Variants in ACTR2 observed in about 807,000 individuals in gnomAD.
The protein encoded by ACTR2 is actin-related protein 2.
In ACTR2, 5 loss-of-function variants were observed where a neutral mutation model predicts 50.2. The ratio of observed to expected loss-of-function variants is 0.10; its 90% confidence interval spans 0.05 to 0.21. The LOEUF is 0.21. Ranked by LOEUF, ACTR2 falls within the 10% of genes least tolerant of loss-of-function variation. ACTR2 has a pLI of 1.00. For missense variants in ACTR2, 180 were observed against 480.6 expected (o/e 0.37, Z 5.85); for synonymous variants, 140 against 162.9 (o/e 0.86, Z 1.07).
At chr2:65,251,604 G>A (rs971606758) in intron 4 of ACTR2, among the ~76,000 whole-genome samples, 2 of 152,006 alleles carry the variant, frequency 1.3e-5, no homozygotes, top group East Asian at 1.9e-4. Context: ...CAGGTAGTCC[G>A]CCCGCCTCAG....
At chr2:65,252,580 G>A (rs1672074154) in intron 4 of ACTR2, among the ~76,000 whole-genome samples, 1 of 152,198 alleles carries the variant, frequency 6.6e-6, no homozygotes, top group Admixed American at 6.5e-5. Context: ...AGGAGGCAGA[G>A]GTTGCAGTGA....
chr2:65,261,752 C>A (rs1672273997), intron 7 of ACTR2, among the ~76,000 whole-genome samples: 1 of 152,188 alleles, frequency 6.6e-6, no homozygotes, highest in Non-Finnish European at 1.5e-5. Context: ...GAGATACACC[C>A]AGTAGTGGAA....
chr2:65,269,324 C>A lies in ACTR2; in HGVS notation c.*590C>A, dbSNP rs1672444796. ...GGTTTTGTTGCGGGGGGGAGGGTAA[C>A]AATGGGTGGTCTTCTGATTTTTATT... On this transcript the variant is annotated 3_prime_UTR_variant, in exon 9 of 9. Coordinates refer to ENST00000260641, the MANE Select transcript of ACTR2 (RefSeq NM_005722.4). 1 of 151,960 alleles carries A rather than the reference C, an allele frequency of 6.6e-6. No homozygotes were observed. Among genetic ancestry groups the A allele is most frequent in the Non-Finnish European group, 1.5e-5 (1 of 68,014 alleles). The allele number at this position is 151,960 out of a possible 1,614,324, so 9.4% of individuals were successfully genotyped here.
At chr2:65,262,511 A>G (rs2104019021) in intron 7 of ACTR2, among the ~76,000 whole-genome samples, 1 of 150,866 alleles carries the variant, frequency 6.6e-6, no homozygotes, top group East Asian at 2.0e-4. Context: ...CAAAGTGCTG[A>G]GAGAAACTTC....
rs1443324717 is a variant in ACTR2, at chr2:65,227,856, G to C, written c.-54G>C. ...GCAAGAGGAAGAAGAGAAAACGGCC[G>C]GGCGGCGGTGGCTGTAGGTTGTGCG... is the stretch of plus-strand genomic sequence containing the variant. On this transcript the variant is annotated 5_prime_UTR_variant, in exon 1 of 9. Transcript: ENST00000260641. 8 of 1,488,012 alleles carry C rather than the reference G, an allele frequency of 5.4e-6. No homozygotes were observed. Among genetic ancestry groups the C allele is most frequent in the Non-Finnish European group, 7.2e-6 (8 of 1,117,314 alleles). The allele number at this position is 1,488,012 out of a possible 1,614,324, so 92.2% of individuals were successfully genotyped here. A position where few individuals can be genotyped will look rare whatever the true frequency, so the allele number is the denominator to read the frequency against.
At chr2:65,267,467 A>T (rs1329415232) in intron 8 of ACTR2, among the ~76,000 whole-genome samples, 1 of 152,254 alleles carries the variant, frequency 6.6e-6, no homozygotes, top group Non-Finnish European at 1.5e-5. Context: ...TGACATAAAT[A>T]TACAAATGAT....
Position 65,270,980 on chromosome 2 carries a change from A to G in ACTR2, c.*2246A>G, listed in dbSNP as rs947418453. The G allele has an allele frequency of 6.6e-6, 1 of 152,170 alleles. No individual in the cohort carries two copies. Among genetic ancestry groups the G allele is most frequent in the Non-Finnish European group, 1.5e-5 (1 of 68,028 alleles). 9.4% of individuals were successfully genotyped at this position (152,170 alleles called of 1,614,324 possible). On this transcript the variant is annotated 3_prime_UTR_variant, in exon 9 of 9. Coordinates refer to ENST00000260641, the MANE Select transcript of ACTR2 (RefSeq NM_005722.4). ...ATTGCTACTTAAATTTCCAATAATT[A>G]AAAATTTAAAATTTTTAAATTAGAA...
chr2:65,238,359 A>C (rs1671777024), intron 1 of ACTR2, among the ~76,000 whole-genome samples: 1 of 152,080 alleles, frequency 6.6e-6, no homozygotes, highest in Non-Finnish European at 1.5e-5. Flanking sequence ...TATTTATCTA[A>C]ATGTAAAAAT....
chr2:65,263,121 A>T (rs917269738), intron 7 of ACTR2, among the ~76,000 whole-genome samples: 3 of 151,478 alleles, frequency 2.0e-5, no homozygotes, highest in African/African-American at 7.3e-5. Flanking sequence ...GCTCACTGCA[A>T]CCTGGGTGGA....
chr2:65,231,557 G>T (rs1187805471), intron 1 of ACTR2, among the ~76,000 whole-genome samples: 1 of 152,146 alleles, frequency 6.6e-6, no homozygotes, highest in Non-Finnish European at 1.5e-5. Flanking sequence ...TAGGCTGGCT[G>T]GGTGTGGTTC....
At chr2:65,232,907 A>G (rs559292718) in intron 1 of ACTR2, among the ~76,000 whole-genome samples, 29 of 152,272 alleles carry the variant, frequency 1.9e-4, no homozygotes, top group African/African-American at 6.5e-4. Context: ...GACATGGGGG[A>G]GGAATTTCAA....
At chr2:65,247,835 C>G (rs1671967692) in intron 3 of ACTR2, among the ~76,000 whole-genome samples, 1 of 151,856 alleles carries the variant, frequency 6.6e-6, no homozygotes, top group Non-Finnish European at 1.5e-5. Context: ...GCTGTAGATG[C>G]TAAAGGCAAA....
At chr2:65,263,462 A>G (rs951008450) in intron 7 of ACTR2, among the ~76,000 whole-genome samples, 1 of 152,084 alleles carries the variant, frequency 6.6e-6, no homozygotes, top group Non-Finnish European at 1.5e-5. Context: ...CCTTCTCTAC[A>G]CTCAGGTTAT....
In ACTR2 at chr2:65,269,437, G is replaced by A. The variant is rs1233249003; in HGVS notation, c.*703G>A. On this transcript the variant is annotated 3_prime_UTR_variant, in exon 9 of 9. Coordinates refer to ENST00000260641, the MANE Select transcript of ACTR2 (RefSeq NM_005722.4). ...GTTTTCTTCTACTTGTGCTCTGCCT[G>A]GAGCTGTTTCCATATGATATAAAAA... 1.3e-5 allele frequency: 2 copies of A among 152,104 alleles called. No individual in the cohort carries two copies. Among genetic ancestry groups the A allele is most frequent in the Non-Finnish European group, 2.9e-5 (2 of 68,036 alleles). 9.4% of individuals were successfully genotyped at this position (152,104 alleles called of 1,614,324 possible). A position where few individuals can be genotyped will look rare whatever the true frequency, so the allele number is the denominator to read the frequency against.
chr2:65,256,444 A>G (rs1400491884), intron 6 of ACTR2, among the ~76,000 whole-genome samples: 1 of 152,214 alleles, frequency 6.6e-6, no homozygotes. Flanking sequence ...TCCAGGTCTC[A>G]TCTTTGATCT....
chr2:65,232,212 C>T (rs968387033), intron 1 of ACTR2, among the ~76,000 whole-genome samples: 2 of 152,164 alleles, frequency 1.3e-5, no homozygotes, highest in African/African-American at 2.4e-5. Flanking sequence ...CCTGGTGTTA[C>T]GTGTCTTGTT....
At chr2:65,248,006 C>T (rs1447034632) in intron 3 of ACTR2, among the ~76,000 whole-genome samples, 2 of 152,034 alleles carry the variant, frequency 1.3e-5, no homozygotes, top group Non-Finnish European at 2.9e-5. Context: ...TAGGAACAAG[C>T]TTGGTATATT....
At position 65,261,269 on chromosome 2, in the gene ACTR2, A is replaced by C. The variant is rs956981513; in HGVS notation, c.758A>C (p.Lys253Thr). The C allele has an allele frequency of 2.5e-6, 4 of 1,613,868 alleles. No individual in the cohort carries two copies. The African/African-American group carries it at 5.3e-5, about 22-fold the overall frequency. Residue 253 changes from lysine (K) to threonine (T), a missense_variant, in exon 7 of 9, where the codon AAA (lysine) becomes ACA (threonine). Coordinates refer to ENST00000260641, the MANE Select transcript of ACTR2 (RefSeq NM_005722.4). ...SYTLPDGRII[K>T]VGGERFEAPE... ...TAGCTCCCAGATGGACGTATCATCA[A>C]AGTTGGGGGAGAGAGATTTGAAGCA... is the stretch of plus-strand genomic sequence containing the variant.
chr2:65,251,148 A>G, intron 4 of ACTR2, 49 bp downstream of exon 4: 2 of 1,354,908 alleles, frequency 1.5e-6, no homozygotes, highest in African/African-American at 3.0e-5. Context: ...AACATTTATT[A>G]TGTATGTTTT....
Sources: gnomAD v4.1 joint callset for allele counts (sites outside exome capture counted in the v4.1 genomes callset) on GRCh38, gnomAD v4.1.1 for gene constraint, MANE v1.5 for transcripts, NCBI Gene and HGNC (gene_info 2026-07-23, HGNC 2026-07-21) for gene names.